Variants in ZNF486 observed in about 807,000 individuals in gnomAD.
The protein encoded by ZNF486 is KRAB box only protein 2.
Under a neutral mutation model 12.8 loss-of-function variants are expected in ZNF486, and 12 were observed. That is an observed-to-expected ratio of 0.94 (90% CI 0.60 to 1.52). ZNF486 has a LOEUF of 1.52. ZNF486 is among the 40% of genes most tolerant of loss of function. ZNF486 has a pLI of 0.00. For synonymous variants in ZNF486, 231 were observed against 184.9 expected (o/e 1.25, Z -2.02); for missense variants, 738 against 545.0 (o/e 1.35, Z -3.53).
Position 20,196,989 on chromosome 19 carries a change from C to A in ZNF486, c.279C>A (p.Asp93Glu), listed in dbSNP as rs1209693858. The part of the protein sequence containing the change: ...PPVVCSHFAQ[D>E]LWPEQSIKDS... ...TTGTGTGTTCTCATTTTGCCCAAGA[C>A]CTTTGGCCAGAGCAGAGCATAAAAG... The change falls in exon 4 of 4, where the codon GAC becomes GAA. Residue 93 changes from aspartate (D) to glutamate (E), a missense_variant. Coordinates refer to ENST00000335117, the MANE Select transcript of ZNF486 (RefSeq NM_052852.4). 1.3e-6 allele frequency: 2 copies of A among 1,568,446 alleles called. No homozygotes were observed. The highest frequency in any genetic ancestry group is 2.8e-5 in the African/African-American group (2 of 72,680).
At position 20,174,009 on chromosome 19, in the gene ZNF486, G is replaced by A. The variant is rs148866622; in HGVS notation, c.30+6649G>A. 1.5e-3 allele frequency among the ~76,000 whole-genome samples: 224 copies of A among 151,930 alleles called. 1 individual carries two copies. The highest frequency in any genetic ancestry group is 5.2e-3 in the African/African-American group (216 of 41,436). ...TCTAGAACTTCAGATTTATTGCTTT[G>A]TTTTTGGTTCCAAAAAGTTTATTTT... is the stretch of plus-strand genomic sequence containing the variant. On this transcript the variant is annotated intron_variant, in intron 1 of 3. Coordinates refer to ENST00000335117, the MANE Select transcript of ZNF486 (RefSeq NM_052852.4).
At position 20,188,538 on chromosome 19, in the gene ZNF486, G is replaced by T; in HGVS notation, c.253+2456G>T. The T allele has an allele frequency of 7.5e-6, 3 of 398,140 alleles. 1 individual carries two copies. Among genetic ancestry groups the T allele is most frequent in the Non-Finnish European group, 1.3e-5 (3 of 225,896 alleles). 24.7% of individuals were successfully genotyped at this position (398,140 alleles called of 1,614,324 possible). A position where few individuals can be genotyped will look rare whatever the true frequency, so the allele number is the denominator to read the frequency against. ...TCTTTATAAAAATAATTTAATAATT[G>T]CCAGGCATGGTGGTATGCAGCTGTG... is the stretch of plus-strand genomic sequence containing the variant. On this transcript the variant is annotated intron_variant, in intron 3 of 3. Transcript: ENST00000335117.
At chr19:20,178,881 G>T (rs1178337123) in intron 1 of ZNF486, among the ~76,000 whole-genome samples, 1 of 152,204 alleles carries the variant, frequency 6.6e-6, no homozygotes, top group African/African-American at 2.4e-5. Context: ...CACAAACCCA[G>T]TTAGAGTAAC....
At chr19:20,172,466 T>C (rs1233214222) in intron 1 of ZNF486, among the ~76,000 whole-genome samples, 1 of 151,508 alleles carries the variant, frequency 6.6e-6, no homozygotes, top group Non-Finnish European at 1.5e-5. Flanking sequence ...CCCAGCTAAT[T>C]TTTTGTACTT....
Position 20,185,330 on chromosome 19 carries a change from G to T in ZNF486, c.158-657G>T, listed in dbSNP as rs1186768392. ...AGTGTTTGAGACCATACATATACTT[G>T]TATGTTAATTTTATGTTTTGCTAAT... On this transcript the variant is annotated intron_variant, in intron 2 of 3. Transcript: ENST00000335117. Among the ~76,000 whole-genome samples the T allele has an allele frequency of 2.0e-5, 3 of 148,684 alleles. No individual in the cohort carries two copies. In the East Asian group the frequency reaches 6.0e-4, roughly 30 times the overall value.
In ZNF486 at chr19:20,193,762, T is replaced by C. The variant is rs537422805; in HGVS notation, c.254-3202T>C. On this transcript the variant is annotated intron_variant, in intron 3 of 3. Transcript: ENST00000335117. Reference sequence around the variant, plus strand: ...AACTTACTGTTATTTTTATTAATTGTTTTATTTGATTCTTCTATCTTTTTC... The same window carrying C: ...AACTTACTGTTATTTTTATTAATTGCTTTATTTGATTCTTCTATCTTTTTC... 2.6e-5 allele frequency among the ~76,000 whole-genome samples: 4 copies of C among 152,030 alleles called. No individual in the cohort carries two copies. In the Admixed American group the frequency reaches 2.6e-4, roughly 10 times the overall value.
chr19:20,178,164 GTGATCCACCCGCCT>G (rs2089743779), intron 1 of ZNF486, among the ~76,000 whole-genome samples: 1 of 151,866 alleles, frequency 6.6e-6, no homozygotes, highest in African/African-American at 2.4e-5. Flanking sequence ...TTGACCTCAG[GTGATCCACCCGCCT>G]AGGCCTCCCA....
chr19:20,186,368 A>G (rs1383934934), intron 3 of ZNF486, among the ~76,000 whole-genome samples: 1 of 152,142 alleles, frequency 6.6e-6, no homozygotes, highest in Non-Finnish European at 1.5e-5. Context: ...TGATTGCACA[A>G]TCTGGCTGCT....
chr19:20,178,862 C>A (rs1430849037), intron 1 of ZNF486, among the ~76,000 whole-genome samples: 2 of 152,184 alleles, frequency 1.3e-5, no homozygotes, highest in Non-Finnish European at 2.9e-5. Flanking sequence ...ATTCAGAGAC[C>A]ATGGGGCCCA....
chr19:20,167,658 G>T (rs1555713217), intron 1 of ZNF486, among the ~76,000 whole-genome samples: 1 of 152,174 alleles, frequency 6.6e-6, no homozygotes, highest in African/African-American at 2.4e-5. Flanking sequence ...CCACGAGAAG[G>T]TCATCAGGGG....
At chr19:20,194,877 CTAAG>C (rs1475167892) in intron 3 of ZNF486, among the ~76,000 whole-genome samples, 3 of 151,976 alleles carry the variant, frequency 2.0e-5, no homozygotes, top group East Asian at 3.9e-4. Flanking sequence ...TTGTGTGTAT[CTAAG>C]TTTGTTCATT....
At chr19:20,186,115 A>G in intron 3 of ZNF486, 33 bp downstream of exon 3, 5 of 1,525,860 alleles carry the variant, frequency 3.3e-6, no homozygotes, top group Admixed American at 2.1e-5. Context: ...ACAACAGACA[A>G]TGCAGATAAG....
rs2089984356 is a variant in ZNF486, at chr19:20,198,587, A to T, written c.*485A>T. ...ACCCGGGCTGTAGTGCAATGGCATG[A>T]TCTTGGCTTACTGTGACCTCTGCCT... On this transcript the variant is annotated 3_prime_UTR_variant, in exon 4 of 4. Coordinates refer to ENST00000335117, the MANE Select transcript of ZNF486 (RefSeq NM_052852.4). The T allele has an allele frequency of 6.2e-6, 1 of 161,584 alleles. No individual in the cohort carries two copies. Among genetic ancestry groups the T allele is most frequent in the Non-Finnish European group, 1.4e-5 (1 of 73,278 alleles). 10.0% of individuals were successfully genotyped at this position (161,584 alleles called of 1,614,324 possible).
chr19:20,184,615 A>G, intron 2 of ZNF486, 133 bp downstream of exon 2: 1 of 1,038,602 alleles, frequency 9.6e-7, no homozygotes, highest in Non-Finnish European at 1.3e-6. Flanking sequence ...AATCTTCAGA[A>G]TTTGTTTATT....
intron 1 of ZNF486, among the ~76,000 whole-genome samples, chr19:20,178,342 C>A (rs1181020981): frequency 6.6e-6 from 1 of 152,084 alleles, no homozygotes; most frequent in East Asian, 1.9e-4. Flanking sequence ...CTCCTGGGTT[C>A]ATGCCATTCT....
At chr19:20,175,758 G>C (rs192426619) in intron 1 of ZNF486, among the ~76,000 whole-genome samples, 1 of 152,186 alleles carries the variant, frequency 6.6e-6, no homozygotes, top group Admixed American at 6.5e-5. Flanking sequence ...GCAACCATCC[G>C]ATTTCTCAGT....
chr19:20,191,225 A>C (rs2089898515), intron 3 of ZNF486, among the ~76,000 whole-genome samples: 1 of 152,142 alleles, frequency 6.6e-6, no homozygotes, highest in African/African-American at 2.4e-5. Flanking sequence ...TAATCCCTGC[A>C]CTTTGGGAGG....
intron 1 of ZNF486, among the ~76,000 whole-genome samples, chr19:20,167,686 T>A (rs1555713223): frequency 6.6e-6 from 1 of 151,946 alleles, no homozygotes; most frequent in East Asian, 1.9e-4. Flanking sequence ...TGACTCGGGG[T>A]GCGGGTTCAC....
intron 1 of ZNF486, among the ~76,000 whole-genome samples, chr19:20,181,129 C>A (rs182240147): frequency 6.6e-6 from 1 of 152,150 alleles, no homozygotes; most frequent in East Asian, 1.9e-4. Context: ...AGGTCTGACC[C>A]TACCCTGGAG....
Sources: gnomAD v4.1 joint callset for allele counts (sites outside exome capture counted in the v4.1 genomes callset) on GRCh38, gnomAD v4.1.1 for gene constraint, MANE v1.5 for transcripts, NCBI Gene and HGNC (gene_info 2026-07-23, HGNC 2026-07-21) for gene names.